ZNF541: variants seen among roughly 807,000 people sequenced by gnomAD.
ZNF541 encodes zinc finger protein 541.
Under a neutral mutation model 123.5 loss-of-function variants are expected in ZNF541, and 23 were observed. That is an observed-to-expected ratio of 0.19 (90% confidence interval 0.13 to 0.26). The LOEUF is 0.26. Ranked by LOEUF, ZNF541 falls within the 10% of genes least tolerant of loss-of-function variation. ZNF541 has a pLI of 1.00. For synonymous variants in ZNF541, 751 were observed against 754.5 expected, an observed-to-expected ratio of 1.00 and a Z score of 0.08; for missense variants, 1,612 against 1,789.9, an observed-to-expected ratio of 0.90 and a Z score of 1.79.
Position 47,544,171 on chromosome 19 carries a change from C to G in ZNF541, c.2358G>C (p.Pro786=). 1 of 1,551,612 alleles carries G rather than the reference C, an allele frequency of 6.4e-7. No homozygotes were observed. The highest frequency in any genetic ancestry group is 8.7e-7 in the Non-Finnish European group (1 of 1,146,956). The change falls in exon 5 of 17, where the codon CCG becomes CCC. Residue 786 remains proline (P), a synonymous_variant. Coordinates refer to ENST00000391901, the MANE Select transcript of ZNF541 (RefSeq NM_001277075.3). ...AMASFSSAGP[P]ADPSKSKLTI... is the part of the protein sequence containing the mutation. ...TCAGCTTGGACTTGGAGGGATCTGC[C>G]GGGGGCCCGGCCGATGAGAAGGAGG...
chr19:47,565,776 CT>C (rs1971238255), intron 2 of ZNF541, among the ~76,000 whole-genome samples: 1 of 152,200 alleles, frequency 6.6e-6, no homozygotes, highest in Non-Finnish European at 1.5e-5. Context: ...GAGCTATACA[CT>C]TTAGGAACTT....
In ZNF541 at chr19:47,544,569, C is replaced by A; in HGVS notation, c.1960G>T (p.Ala654Ser). 6.4e-7 allele frequency: 1 copy of A among 1,551,442 alleles called. No individual in the cohort carries two copies. The highest frequency in any genetic ancestry group is 8.7e-7 in the Non-Finnish European group (1 of 1,146,950). The change falls in exon 5 of 17, where the codon GCC becomes TCC. Residue 654 changes from alanine to serine, a missense_variant. Transcript: ENST00000391901. The stretch of plus-strand genomic sequence containing the variant: ...GCTGCAAGGGGCGTTGGAACCGCGG[C>A]CACTTTCAGTCCCCCCTTTGCGTCT... The part of the protein sequence containing the change: ...RRDAKGGLKV[A>S]AVPTPLAAPS...
At chr19:47,549,723 G>C (rs919863667) in intron 3 of ZNF541, among the ~76,000 whole-genome samples, 1 of 152,132 alleles carries the variant, frequency 6.6e-6, no homozygotes. Flanking sequence ...AGCCCTTCCA[G>C]AGCAGCATGA....
rs1217961577 is a variant in ZNF541 at position 47,544,582 on chromosome 19, C to T, written c.1947G>A (p.Gly649=). ...TTGGAACCGCGGCCACTTTCAGTCCCCCCTTTGCGTCTCGTCTCGTGCTGC... is the reference window on the plus strand; with the variant it reads ...TTGGAACCGCGGCCACTTTCAGTCCTCCCTTTGCGTCTCGTCTCGTGCTGC... ...SPGSTRRDAK[G]GLKVAAVPTP... The change falls in exon 5 of 17, where the codon GGG becomes GGA. Residue 649 remains glycine (G), a synonymous_variant. Coordinates refer to ENST00000391901, the MANE Select transcript of ZNF541 (RefSeq NM_001277075.3). 5.8e-6 allele frequency: 9 copies of T among 1,551,258 alleles called. No individual in the cohort carries two copies. The Admixed American group carries it at 1.2e-4, about 20-fold the overall frequency.
At chr19:47,537,682 C>T (rs1226879507) in intron 9 of ZNF541, among the ~76,000 whole-genome samples, 1 of 151,752 alleles carries the variant, frequency 6.6e-6, no homozygotes, top group African/African-American at 2.4e-5. Flanking sequence ...TCGAGACCAG[C>T]CTGGACAACA....
intron 2 of ZNF541, among the ~76,000 whole-genome samples, chr19:47,557,028 G>A (rs1204262320): frequency 6.6e-6 from 1 of 152,114 alleles, no homozygotes; most frequent in Non-Finnish European, 1.5e-5. Context: ...AAAGTGCTGG[G>A]ATTACAGGCG....
chr19:47,540,019 T>A, intron 7 of ZNF541, 141 bp from the exon 8 acceptor site: 1 of 1,425,420 alleles, frequency 7.0e-7, no homozygotes, highest in South Asian at 1.4e-5. Flanking sequence ...CTGCAGCCCA[T>A]GGCAATGGCC....
At chr19:47,537,757 C>G (rs1969889349) in intron 9 of ZNF541, among the ~76,000 whole-genome samples, 1 of 151,824 alleles carries the variant, frequency 6.6e-6, no homozygotes, top group African/African-American at 2.4e-5. Flanking sequence ...CACCTGTAGT[C>G]CCAACTATTT....
intron 3 of ZNF541, among the ~76,000 whole-genome samples, chr19:47,550,435 AAAAG>A (rs562457872): frequency 9.8e-4 from 147 of 150,436 alleles, no homozygotes; most frequent in African/African-American, 2.9e-3. Flanking sequence ...AAAAGAAAGG[AAAAG>A]AAAGAAAGAA....
rs762547782 is a variant in ZNF541, at chr19:47,549,527, AAC to A, written c.308-44_308-43del. 1,121 of 1,547,462 alleles carry A rather than the reference AAC, an allele frequency of 7.2e-4. 2 individuals are homozygous for A. Among genetic ancestry groups the A allele is most frequent in the Admixed American group, 1.4e-3 (73 of 50,804 alleles). On this transcript the variant is annotated intron_variant, in intron 3 of 16. Transcript: ENST00000391901. ...AGCACAGGTTATACACAGCCAAGGC[AAC>A]CAAGCGAAAAGCACGACTAAGGCAC...
At chr19:47,530,256 C>T (rs538724894) in intron 12 of ZNF541, among the ~76,000 whole-genome samples, 1 of 151,636 alleles carries the variant, frequency 6.6e-6, no homozygotes, top group African/African-American at 2.4e-5. Flanking sequence ...GCAGCCTCCA[C>T]CTCCCCAGTT....
At chr19:47,572,900 C>T (rs1310114936) in intron 1 of ZNF541, among the ~76,000 whole-genome samples, 183 bp downstream of exon 1, 1 of 151,628 alleles carries the variant, frequency 6.6e-6, no homozygotes, top group Non-Finnish European at 1.5e-5. Flanking sequence ...GTGCGTGACG[C>T]AGGGTGAGGG....
At chr19:47,543,496 T>A (rs1449643858) in intron 5 of ZNF541, among the ~76,000 whole-genome samples, 2 of 151,584 alleles carry the variant, frequency 1.3e-5, no homozygotes, top group African/African-American at 4.9e-5. Context: ...CAAGCAGGAA[T>A]CTTTAAAGGA....
At chr19:47,536,185 C>A (rs183563790) in intron 9 of ZNF541, among the ~76,000 whole-genome samples, 33 of 152,308 alleles carry the variant, frequency 2.2e-4, no homozygotes, top group African/African-American at 7.5e-4. Context: ...GTTCCTTGCC[C>A]TCATTCCGGT....
At chr19:47,539,991 G>T in intron 7 of ZNF541, 113 bp from the exon 8 acceptor site, 1 of 1,465,298 alleles carries the variant, frequency 6.8e-7, no homozygotes, top group African/African-American at 1.4e-5. Flanking sequence ...CTGTGGCATG[G>T]ACCAAGCTGG....
At position 47,544,650 on chromosome 19, in the gene ZNF541, T is replaced by C. The variant is rs1434446002; in HGVS notation, c.1879A>G (p.Arg627Gly). The C allele has an allele frequency of 9.7e-6, 15 of 1,545,388 alleles. No homozygotes were observed. Among genetic ancestry groups the C allele is most frequent in the Non-Finnish European group, 1.2e-5 (14 of 1,145,280 alleles). The change falls in exon 5 of 17, where the codon AGG (arginine) becomes GGG (glycine). Residue 627 changes from arginine (R) to glycine (G), a missense_variant. By Grantham distance (125) the Arg-to-Gly change is moderately radical. Coordinates refer to ENST00000391901, the MANE Select transcript of ZNF541 (RefSeq NM_001277075.3). ...GGAACCCCGGGTGTGGTTTTTCTCC[T>C]GCGGGCTGGGGAGCCCTCTGCCTCG... ...NPEAEGSPAR[R>G]RKTTPGVPRE...
intron 5 of ZNF541, among the ~76,000 whole-genome samples, 196 bp downstream of exon 5, chr19:47,543,930 T>A (rs760358725): frequency 2.0e-5 from 3 of 152,054 alleles, no homozygotes; most frequent in Non-Finnish European, 4.4e-5. Context: ...ATTACAGGCA[T>A]AAGCCACCTC....
chr19:47,567,711 G>A (rs1233752515), intron 2 of ZNF541, among the ~76,000 whole-genome samples: 1 of 152,164 alleles, frequency 6.6e-6, no homozygotes, highest in Non-Finnish European at 1.5e-5. Flanking sequence ...CCACATTCCT[G>A]CAAGGCAACA....
chr19:47,557,497 G>T (rs1054053699), intron 2 of ZNF541, among the ~76,000 whole-genome samples: 2 of 152,148 alleles, frequency 1.3e-5, no homozygotes, highest in Non-Finnish European at 2.9e-5. Flanking sequence ...ATCATCAGTG[G>T]ACTAAGGAAA....
Sources: allele counts gnomAD v4.1 joint callset (sites outside exome capture counted in the v4.1 genomes callset), GRCh38; gene constraint gnomAD v4.1.1; transcripts MANE v1.5; gene names NCBI Gene and HGNC (gene_info 2026-07-23, HGNC 2026-07-21).